Variants in RAB21 observed in about 807,000 individuals in gnomAD.
The protein encoded by RAB21 is RAB21, member RAS oncogene family.
A neutral mutation model predicts 33.1 loss-of-function variants in RAB21; 13 were observed. The observed-to-expected ratio is 0.39, with a 90% CI of 0.26 to 0.62. The LOEUF (loss-of-function observed/expected upper bound fraction) is 0.62, where lower values mean the gene tolerates loss of function less well. Ranked by LOEUF, RAB21 falls within the 20% of genes least tolerant of loss-of-function variation. The pLI is 0.48. For synonymous variants in RAB21, 91 were observed against 103.7 expected (o/e 0.88, Z 0.74); for missense variants, 234 against 279.1 (o/e 0.84, Z 1.15).
At chr12:71,770,457 G>C (rs577607215) in intron 2 of RAB21, 135 bp from the exon 3 acceptor site, 4 of 653,664 alleles carry the variant, frequency 6.1e-6, no homozygotes, top group African/African-American at 1.8e-5. Context: ...TTGCTGTTTT[G>C]TTTCTGTTAA....
At chr12:71,771,944 C>G (rs1283815344) in intron 3 of RAB21, among the ~76,000 whole-genome samples, 1 of 151,448 alleles carries the variant, frequency 6.6e-6, no homozygotes, top group African/African-American at 2.4e-5. Flanking sequence ...CCACTGGACT[C>G]CAGCCTGGGT....
intron 1 of RAB21, among the ~76,000 whole-genome samples, chr12:71,760,355 C>T (rs182086289): frequency 1.3e-4 from 20 of 152,198 alleles, no homozygotes; most frequent in East Asian, 1.2e-3. Context: ...TAATCCTGTA[C>T]GTAAGCTCTC....
intron 4 of RAB21, among the ~76,000 whole-genome samples, chr12:71,776,424 A>G (rs1883120651): frequency 6.6e-6 from 1 of 152,326 alleles, no homozygotes; most frequent in East Asian, 1.9e-4. Flanking sequence ...AGTGGTTGCC[A>G]GATAGTGAAT....
chr12:71,760,414 T>G (rs1024046856), intron 1 of RAB21, among the ~76,000 whole-genome samples: 3 of 152,188 alleles, frequency 2.0e-5, no homozygotes, highest in African/African-American at 4.8e-5. Flanking sequence ...CTCGCTGATT[T>G]GAGGCTTTGA....
At chr12:71,757,271 CTAATTTTTTT>C (rs1882799556) in intron 1 of RAB21, among the ~76,000 whole-genome samples, 1 of 152,066 alleles carries the variant, frequency 6.6e-6, no homozygotes, top group Non-Finnish European at 1.5e-5. Flanking sequence ...CCACATCTGG[CTAATTTTTTT>C]GTATTTTTAG....
chr12:71,781,055 T>A (rs993979271), intron 4 of RAB21, among the ~76,000 whole-genome samples: 5 of 152,216 alleles, frequency 3.3e-5, no homozygotes, highest in African/African-American at 9.6e-5. Context: ...TGGCTTTTTT[T>A]AAAAGTATAA....
chr12:71,767,422 C>G (rs1367147010), intron 1 of RAB21, among the ~76,000 whole-genome samples: 1 of 152,126 alleles, frequency 6.6e-6, no homozygotes, highest in East Asian at 1.9e-4. Flanking sequence ...CAGGGATGTT[C>G]AAGCATACTT....
In RAB21 at chr12:71,786,847, A is replaced by G. The variant is rs1366444261; in HGVS notation, c.*1174A>G. 6.6e-6 allele frequency: 1 copy of G among 152,206 alleles called. No homozygotes were observed. Among genetic ancestry groups the G allele is most frequent in the Non-Finnish European group, 1.5e-5 (1 of 68,028 alleles). The allele number at this position is 152,206 out of a possible 1,614,324, so 9.4% of individuals were successfully genotyped here. A position where few individuals can be genotyped will look rare whatever the true frequency, so the allele number is the denominator to read the frequency against. ...GGTTTTTTGTTTGTTATTATAGAAGAGATGACTTCTGCTGATTTTGCTTTA... is the reference window on the plus strand; with the variant it reads ...GGTTTTTTGTTTGTTATTATAGAAGGGATGACTTCTGCTGATTTTGCTTTA... On this transcript the variant is annotated 3_prime_UTR_variant, in exon 7 of 7. Transcript: ENST00000261263.
chr12:71,771,584 G>C (rs2137648424), intron 3 of RAB21, among the ~76,000 whole-genome samples: 1 of 152,272 alleles, frequency 6.6e-6, no homozygotes, highest in East Asian at 1.9e-4. Flanking sequence ...TAGGTACCTT[G>C]TAGATTTAAT....
intron 6 of RAB21, among the ~76,000 whole-genome samples, chr12:71,785,083 C>T (rs977253692): frequency 9.9e-5 from 15 of 152,216 alleles, no homozygotes; most frequent in South Asian, 8.3e-4. Context: ...GGTATCAAAG[C>T]GAGACCCTGT....
At position 71,795,311 on chromosome 12, in the gene RAB21, G is replaced by T. The variant is rs1363760735; in HGVS notation, c.*9638G>T. On this transcript the variant is annotated 3_prime_UTR_variant, in exon 7 of 7. Transcript: ENST00000261263. The stretch of plus-strand genomic sequence containing the variant: ...GGTGCTTAAAAAAGAAGCAGCAGCA[G>T]CTGTTCTAAGCCAAGCACTGCTTGA... 6.6e-6 allele frequency: 1 copy of T among 152,214 alleles called. No homozygotes were observed. The highest frequency in any genetic ancestry group is 2.4e-5 in the African/African-American group (1 of 41,458). 9.4% of individuals were successfully genotyped at this position (152,214 alleles called of 1,614,324 possible). A position where few individuals can be genotyped will look rare whatever the true frequency, so the allele number is the denominator to read the frequency against.
rs1035620593 is a variant in RAB21, at chr12:71,789,265, T to C, written c.*3592T>C. The C allele has an allele frequency of 6.6e-6, 1 of 152,096 alleles. No homozygotes were observed. Among genetic ancestry groups the C allele is most frequent in the African/African-American group, 2.4e-5 (1 of 41,436 alleles). 9.4% of individuals were successfully genotyped at this position (152,096 alleles called of 1,614,324 possible). ...GGCAAACTATGCATTATGCCAAATA[T>C]TAAGAACATTTTAAAAATGGATTGT... On this transcript the variant is annotated 3_prime_UTR_variant, in exon 7 of 7. Transcript: ENST00000261263.
chr12:71,757,597 ACC>A (rs1203028006), intron 1 of RAB21, among the ~76,000 whole-genome samples: 1 of 152,262 alleles, frequency 6.6e-6, no homozygotes. Context: ...TTTGTTGTAC[ACC>A]AATGTATGTA....
intron 1 of RAB21, among the ~76,000 whole-genome samples, chr12:71,765,174 T>C (rs1167462048): frequency 6.6e-6 from 1 of 152,218 alleles, no homozygotes; most frequent in East Asian, 1.9e-4. Flanking sequence ...GGGTATGTCA[T>C]TGTGATTTTA....
chr12:71,783,959 A>G (rs1883242005), intron 6 of RAB21, among the ~76,000 whole-genome samples: 1 of 152,094 alleles, frequency 6.6e-6, no homozygotes, highest in Non-Finnish European at 1.5e-5. Context: ...CAATTTTTGC[A>G]TGCTCCACAT....
intron 1 of RAB21, among the ~76,000 whole-genome samples, chr12:71,756,262 G>A (rs1354203750): frequency 3.3e-5 from 5 of 152,146 alleles, no homozygotes; most frequent in African/African-American, 1.2e-4. Flanking sequence ...GTCTGTGCCT[G>A]TTTCTTCTGT....
Position 71,790,703 on chromosome 12 carries a change from A to C in RAB21, c.*5030A>C, listed in dbSNP as rs1350827381. 1.3e-5 allele frequency: 2 copies of C among 152,164 alleles called. No individual in the cohort carries two copies. The highest frequency in any genetic ancestry group is 2.9e-5 in the Non-Finnish European group (2 of 68,030). 9.4% of individuals were successfully genotyped at this position (152,164 alleles called of 1,614,324 possible). ...TGTATTAATATATCTATATGTTTAC[A>C]TATAGAAATACATAGTGTTGTGGGT... is the stretch of plus-strand genomic sequence containing the variant. On this transcript the variant is annotated 3_prime_UTR_variant, in exon 7 of 7. Coordinates refer to ENST00000261263, the MANE Select transcript of RAB21 (RefSeq NM_014999.4).
At chr12:71,775,662 G>A (rs1883108412) in intron 4 of RAB21, among the ~76,000 whole-genome samples, 1 of 151,898 alleles carries the variant, frequency 6.6e-6, no homozygotes, top group African/African-American at 2.4e-5. Flanking sequence ...TCAGCCTCCC[G>A]AGCAGCTGGG....
In RAB21 at chr12:71,790,260, A is replaced by G. The variant is rs375346749; in HGVS notation, c.*4587A>G. The G allele has an allele frequency of 6.6e-6, 1 of 152,186 alleles. No homozygotes were observed. The highest frequency in any genetic ancestry group is 1.9e-4 in the East Asian group (1 of 5,200). 9.4% of individuals were successfully genotyped at this position (152,186 alleles called of 1,614,324 possible). On this transcript the variant is annotated 3_prime_UTR_variant, in exon 7 of 7. Transcript: ENST00000261263. ...AAGAGGAGGTGGAGTTGCCTACTTC[A>G]GTGGCCTTTATTCCCACTATACCAG...
Sources: allele counts gnomAD v4.1 joint callset (sites outside exome capture counted in the v4.1 genomes callset), GRCh38; gene constraint gnomAD v4.1.1; transcripts MANE v1.5; gene names NCBI Gene and HGNC (gene_info 2026-07-23, HGNC 2026-07-21).